The following GRAMD1B variants were observed in gnomAD, a reference collection of about 807,000 sequenced individuals.
GRAMD1B encodes the protein GRAM domain containing 1B.
GRAMD1B carries 37 observed loss-of-function variants against 99.7 expected under a neutral mutation model. The ratio of observed to expected loss-of-function variants is 0.37; its 90% CI spans 0.29 to 0.49. The LOEUF (loss-of-function observed/expected upper bound fraction) is 0.49, where lower values mean the gene tolerates loss of function less well. Among genes scored for constraint, GRAMD1B ranks in the 20% least tolerant of loss-of-function variants. The pLI, the probability that GRAMD1B is intolerant of heterozygous loss-of-function variation, is 0.98. For synonymous variants in GRAMD1B, 427 were observed against 387.6 expected (o/e 1.10, Z -1.19); for missense variants, 888 against 1,009.2 (o/e 0.88, Z 1.63).
chr11:123,399,204 C>T (rs182359075), intron 1 of GRAMD1B, among the ~76,000 whole-genome samples: 1 of 152,294 alleles, frequency 6.6e-6, no homozygotes, highest in East Asian at 1.9e-4. Context: ...CTGTGCCTGG[C>T]TTATTTCACT....
At chr11:123,478,825 A>G (rs1951436229) in intron 1 of GRAMD1B, among the ~76,000 whole-genome samples, 1 of 152,112 alleles carries the variant, frequency 6.6e-6, no homozygotes, top group African/African-American at 2.4e-5. Context: ...ACTGTTGTAA[A>G]TGGTGTGTTC....
At chr11:123,586,549 G>A (rs1026699601) in intron 4 of GRAMD1B, among the ~76,000 whole-genome samples, 17 of 152,296 alleles carry the variant, frequency 1.1e-4, no homozygotes, top group Middle Eastern at 3.4e-3. Flanking sequence ...GTCCGCCCTC[G>A]GGTGACAGGG....
intron 2 of GRAMD1B, among the ~76,000 whole-genome samples, chr11:123,487,092 C>G (rs1160058098): frequency 6.6e-6 from 1 of 152,144 alleles, no homozygotes; most frequent in Non-Finnish European, 1.5e-5. Context: ...TAAAGAAGTT[C>G]ACTAAGTGCT....
At chr11:123,580,648 G>A (rs960304267) in intron 3 of GRAMD1B, among the ~76,000 whole-genome samples, 3 of 152,184 alleles carry the variant, frequency 2.0e-5, no homozygotes, top group African/African-American at 4.8e-5. Context: ...TGTCCAGGCC[G>A]ACCCTCCTAG....
At chr11:123,381,392 G>A (rs1946868379) in intron 1 of GRAMD1B, 2 of 154,342 alleles carry the variant, frequency 1.3e-5, no homozygotes, top group African/African-American at 4.8e-5. Context: ...ACAAGTCCTG[G>A]TTAGGAGAGC....
At chr11:123,500,491 A>G (rs917963855) in intron 2 of GRAMD1B, among the ~76,000 whole-genome samples, 1 of 152,170 alleles carries the variant, frequency 6.6e-6, no homozygotes, top group Admixed American at 6.5e-5. Flanking sequence ...GAAATTTGCT[A>G]AAATTAATTG....
intron 4 of GRAMD1B, among the ~76,000 whole-genome samples, chr11:123,585,070 C>T (rs987039155): frequency 7.9e-5 from 12 of 152,230 alleles, no homozygotes; most frequent in Non-Finnish European, 1.6e-4. Flanking sequence ...GGGGACTTCA[C>T]AGTGGAGGGG....
chr11:123,446,340 G>A lies in GRAMD1B; in HGVS notation c.374+15174G>A, dbSNP rs145169600. On this transcript the variant is annotated intron_variant, in intron 1 of 19. Transcript: ENST00000635736. ...GCCACCACGCCCGGCTAATATTTGT[G>A]TTTTTAGTAGAGATGGGGTTTCACC... 6.8e-3 allele frequency among the ~76,000 whole-genome samples: 1,033 copies of A among 151,972 alleles called. 13 individuals carry two copies. Among genetic ancestry groups the A allele is most frequent in the African/African-American group, 0.023 (954 of 41,448 alleles).
At chr11:123,398,424 T>C (rs1458054324) in intron 1 of GRAMD1B, among the ~76,000 whole-genome samples, 1 of 152,090 alleles carries the variant, frequency 6.6e-6, no homozygotes, top group African/African-American at 2.4e-5. Flanking sequence ...CCTAAATACC[T>C]CCCAAAGAGC....
At chr11:123,544,455 C>T (rs1259856341) in intron 2 of GRAMD1B, among the ~76,000 whole-genome samples, 1 of 152,190 alleles carries the variant, frequency 6.6e-6, no homozygotes, top group African/African-American at 2.4e-5. Context: ...GGCCAATTGT[C>T]GGTTAGCCTT....
chr11:123,593,359 T>A (rs776769027), intron 4 of GRAMD1B, among the ~76,000 whole-genome samples: 18 of 152,216 alleles, frequency 1.2e-4, no homozygotes, highest in Admixed American at 5.9e-4. Context: ...GGGTATCATG[T>A]TGCAGTGGGG....
chr11:123,496,686 T>C (rs1028931501), intron 2 of GRAMD1B, among the ~76,000 whole-genome samples: 3 of 151,772 alleles, frequency 2.0e-5, no homozygotes, highest in African/African-American at 7.3e-5. Flanking sequence ...ATATAGTCTG[T>C]CTTCTAGTTC....
intron 1 of GRAMD1B, among the ~76,000 whole-genome samples, chr11:123,410,811 C>T (rs114255401): frequency 1.3e-5 from 2 of 152,152 alleles, no homozygotes; most frequent in African/African-American, 4.8e-5. Flanking sequence ...TGAGATCAGG[C>T]CCACACTCTG....
At chr11:123,367,435 A>G (rs755960997) in intron 1 of GRAMD1B, among the ~76,000 whole-genome samples, 1 of 152,144 alleles carries the variant, frequency 6.6e-6, no homozygotes, top group African/African-American at 2.4e-5. Context: ...TTTTCAGAAG[A>G]GGTTATATTT....
chr11:123,524,425 C>T (rs1257099896), intron 2 of GRAMD1B, among the ~76,000 whole-genome samples: 1 of 151,730 alleles, frequency 6.6e-6, no homozygotes, highest in Non-Finnish European at 1.5e-5. Flanking sequence ...ACTGCAGCCT[C>T]TATCTCTCTG....
chr11:123,446,810 G>A (rs890687350), intron 1 of GRAMD1B, among the ~76,000 whole-genome samples: 1 of 151,874 alleles, frequency 6.6e-6, no homozygotes, highest in African/African-American at 2.4e-5. Context: ...CGGTGTGTGC[G>A]TGTAGTCCCA....
rs545182281 is a variant in GRAMD1B at position 123,462,962 on chromosome 11, A to G, written c.375-17854A>G. Reference sequence around the variant, plus strand: ...AGCACAGTTTGCTCATAGACGTGCCATGTATCCCTGTGAAGTCTTATTTTC... The same window carrying G: ...AGCACAGTTTGCTCATAGACGTGCCGTGTATCCCTGTGAAGTCTTATTTTC... On this transcript the variant is annotated intron_variant, in intron 1 of 19. Coordinates refer to ENST00000635736, the MANE Select transcript of GRAMD1B (RefSeq NM_001387025.1). Among the ~76,000 whole-genome samples, 389 of 150,054 alleles carry G rather than the reference A, an allele frequency of 2.6e-3. 1 individual carries two copies. Among genetic ancestry groups the G allele is most frequent in the Non-Finnish European group, 4.2e-3 (283 of 67,636 alleles).
At chr11:123,583,983 T>G (rs1949761298) in intron 3 of GRAMD1B, among the ~76,000 whole-genome samples, 1 of 152,158 alleles carries the variant, frequency 6.6e-6, no homozygotes, top group Admixed American at 6.5e-5. Context: ...ATTTGGGGAC[T>G]GGGTCTCCAA....
intron 2 of GRAMD1B, among the ~76,000 whole-genome samples, chr11:123,535,427 G>A (rs974956958): frequency 2.6e-5 from 4 of 152,070 alleles, no homozygotes; most frequent in Admixed American, 1.3e-4. Flanking sequence ...CTGTGCTCTC[G>A]ACCTCCACAC....
Sources: gnomAD v4.1 joint callset for allele counts (sites outside exome capture counted in the v4.1 genomes callset) on GRCh38, gnomAD v4.1.1 for gene constraint, MANE v1.5 for transcripts, NCBI Gene and HGNC (gene_info 2026-07-23, HGNC 2026-07-21) for gene names.